Variants in RAB38 observed in about 807,000 individuals in gnomAD.
RAB38 encodes ras-related protein Rab-38.
RAB38 carries 15 observed loss-of-function variants against 18.4 expected under a neutral mutation model. That is an observed-to-expected ratio of 0.82 (90% CI 0.55 to 1.26). The LOEUF (loss-of-function observed/expected upper bound fraction) is 1.26. Among genes scored for constraint, RAB38 ranks in the 50% most tolerant of loss-of-function variants. The pLI is 0.00. For missense variants in RAB38, 294 were observed against 267.4 expected (o/e 1.10, Z -0.69); for synonymous variants, 101 against 104.4 (o/e 0.97, Z 0.20).
the RAB38 span, among the ~76,000 whole-genome samples, chr11:87,893,390 A>ATATATATATATATATATATATATATT: frequency 2.4e-4 from 23 of 93,884 alleles, no homozygotes; most frequent in East Asian, 6.6e-4. Flanking sequence ...ATATATATAT[A>ATATATATATATATATATATATATATT]TTTTTTTTTT....
chr11:88,169,890 A>G (rs1943288520), intron 1 of RAB38, among the ~76,000 whole-genome samples: 1 of 152,244 alleles, frequency 6.6e-6, no homozygotes. Flanking sequence ...GGGATGAAGA[A>G]GTAAATCTTA....
At chr11:87,821,354 T>G in the RAB38 span, among the ~76,000 whole-genome samples, 1 of 152,172 alleles carries the variant, frequency 6.6e-6, no homozygotes, top group Non-Finnish European at 1.5e-5. Context: ...AATTCTACAC[T>G]CATTAGAAGT....
the RAB38 span, among the ~76,000 whole-genome samples, chr11:88,091,511 C>T: frequency 1.3e-5 from 2 of 152,132 alleles, no homozygotes; most frequent in South Asian, 2.1e-4. Context: ...CTCTCCATCT[C>T]GCCATCTCAC....
the RAB38 span, among the ~76,000 whole-genome samples, chr11:87,856,522 T>C: frequency 2.0e-5 from 3 of 152,190 alleles, no homozygotes; most frequent in Non-Finnish European, 4.4e-5. Flanking sequence ...CAATATTTTA[T>C]ATAGATTTTA....
At chr11:87,939,707 GAAAAAGAAAAGAA>G in the RAB38 span, among the ~76,000 whole-genome samples, 11 of 151,502 alleles carry the variant, frequency 7.3e-5, no homozygotes, top group Admixed American at 1.3e-4. Flanking sequence ...ACAAGAGAAA[GAAAAAGAAAAGAA>G]AAAAAGAAAA....
chr11:88,099,606 T>C, the RAB38 span, among the ~76,000 whole-genome samples: 15 of 151,892 alleles, frequency 9.9e-5, no homozygotes, highest in African/African-American at 3.6e-4. Flanking sequence ...TGTGGTCATG[T>C]GCACACCTCC....
chr11:88,095,815 C>A, the RAB38 span, among the ~76,000 whole-genome samples: 1 of 151,862 alleles, frequency 6.6e-6, no homozygotes, highest in Non-Finnish European at 1.5e-5. Context: ...ACAGCTTTTG[C>A]AGTTACTCAA....
the RAB38 span, among the ~76,000 whole-genome samples, chr11:87,857,039 T>C: frequency 4.2e-5 from 6 of 144,568 alleles, no homozygotes; most frequent in Admixed American, 4.1e-4. Flanking sequence ...ACAGGCCCCA[T>C]TGTGTAATGT....
the RAB38 span, among the ~76,000 whole-genome samples, chr11:87,893,388 A>ATTTTTTTTTT: frequency 3.2e-4 from 3 of 9,354 alleles, no homozygotes; most frequent in Non-Finnish European, 9.3e-4. Flanking sequence ...ATATATATAT[A>ATTTTTTTTTT]TATTTTTTTT....
At chr11:88,143,872 T>G (rs1942948838) in intron 2 of RAB38, among the ~76,000 whole-genome samples, 1 of 152,196 alleles carries the variant, frequency 6.6e-6, no homozygotes, top group African/African-American at 2.4e-5. Flanking sequence ...GATCTCAGAT[T>G]GTCTAGTAAA....
the RAB38 span, among the ~76,000 whole-genome samples, chr11:88,106,453 C>T: frequency 1.3e-5 from 2 of 152,000 alleles, no homozygotes; most frequent in Non-Finnish European, 2.9e-5. Context: ...ACAAAAAAAA[C>T]ACACTTTCAT....
At chr11:88,041,320 C>T in the RAB38 span, among the ~76,000 whole-genome samples, 1 of 152,196 alleles carries the variant, frequency 6.6e-6, no homozygotes, top group African/African-American at 2.4e-5. Flanking sequence ...ATGCCATTTG[C>T]ACATATGTAT....
At chr11:88,080,424 G>A in the RAB38 span, among the ~76,000 whole-genome samples, 1 of 151,924 alleles carries the variant, frequency 6.6e-6, no homozygotes, top group South Asian at 2.1e-4. Context: ...TATATATACT[G>A]TATGTATTAA....
chr11:88,084,005 A>G, the RAB38 span, among the ~76,000 whole-genome samples: 2 of 151,984 alleles, frequency 1.3e-5, no homozygotes, highest in Non-Finnish European at 2.9e-5. Flanking sequence ...TTGTGCCTGG[A>G]TAATAGTAAG....
the RAB38 span, among the ~76,000 whole-genome samples, chr11:88,015,518 A>G: frequency 3.9e-5 from 6 of 152,260 alleles, no homozygotes; most frequent in African/African-American, 1.4e-4. Flanking sequence ...GATAGGTATC[A>G]GCTACTATTT....
the RAB38 span, among the ~76,000 whole-genome samples, chr11:87,819,766 A>ATG: frequency 5.4e-4 from 12 of 22,344 alleles, no homozygotes; most frequent in African/African-American, 1.9e-3. Context: ...ATGTATATAT[A>ATG]TGTGTATATA....
chr11:88,161,766 G>C (rs1444276202), intron 1 of RAB38, among the ~76,000 whole-genome samples: 1 of 151,908 alleles, frequency 6.6e-6, no homozygotes, highest in African/African-American at 2.4e-5. Flanking sequence ...ACATTATTGT[G>C]CATATCTGTT....
At chr11:88,164,936 T>G (rs1943229910) in intron 1 of RAB38, among the ~76,000 whole-genome samples, 3 of 152,082 alleles carry the variant, frequency 2.0e-5, no homozygotes, top group Non-Finnish European at 2.9e-5. Context: ...AGCTTTAATT[T>G]GTAAACTAGA....
At chr11:88,055,652 T>C in the RAB38 span, among the ~76,000 whole-genome samples, 3 of 152,086 alleles carry the variant, frequency 2.0e-5, no homozygotes, top group Non-Finnish European at 4.4e-5. Flanking sequence ...ACATGGACTA[T>C]TTAAAAAACA....
Sources: allele counts gnomAD v4.1 joint callset (sites outside exome capture counted in the v4.1 genomes callset), GRCh38; gene constraint gnomAD v4.1.1; transcripts MANE v1.5; gene names NCBI Gene and HGNC (gene_info 2026-07-23, HGNC 2026-07-21).